The following GEMIN2 variants were observed in gnomAD, a reference collection of about 807,000 sequenced individuals.
GEMIN2 encodes the protein gem nuclear organelle associated protein 2.
In GEMIN2, 37 loss-of-function variants were observed where a neutral mutation model predicts 45.8. The observed-to-expected ratio is 0.81, with a 90% CI of 0.62 to 1.06. GEMIN2 has a LOEUF of 1.06. Ranked by LOEUF, GEMIN2 falls within the 50% of genes least tolerant of loss-of-function variation. The pLI is 0.00. For synonymous variants in GEMIN2, 101 were observed against 111.5 expected (o/e 0.91, Z 0.60); for missense variants, 335 against 321.8 (o/e 1.04, Z -0.31).
chr14:39,129,459 G>A (rs1043785749), intron 7 of GEMIN2, among the ~76,000 whole-genome samples: 1 of 152,036 alleles, frequency 6.6e-6, no homozygotes, highest in Non-Finnish European at 1.5e-5. Context: ...TGTTGCCCAG[G>A]CTGGAGTGCA....
intron 2 of GEMIN2, among the ~76,000 whole-genome samples, chr14:39,115,617 C>A (rs1369289465): frequency 6.6e-6 from 1 of 151,614 alleles, no homozygotes; most frequent in South Asian, 2.1e-4. Flanking sequence ...CCACCACACC[C>A]GGCTAATTTT....
chr14:39,117,907 C>G (rs1444748773), intron 2 of GEMIN2, 92 bp from the exon 3 acceptor site: 3 of 573,598 alleles, frequency 5.2e-6, no homozygotes, highest in Admixed American at 3.4e-5. Flanking sequence ...TTATTATACA[C>G]TTTATCTTGG....
At chr14:39,115,999 A>G (rs1328603609) in intron 2 of GEMIN2, among the ~76,000 whole-genome samples, 2 of 152,136 alleles carry the variant, frequency 1.3e-5, no homozygotes, top group Admixed American at 1.3e-4. Flanking sequence ...AATAATCAAT[A>G]AATGACAGAA....
intron 6 of GEMIN2, among the ~76,000 whole-genome samples, chr14:39,126,481 A>G (rs1266940566): frequency 2.0e-5 from 3 of 152,178 alleles, no homozygotes; most frequent in African/African-American, 7.2e-5. Context: ...GGCCCAGCCA[A>G]CAATTTTTTT....
rs757014094 is a variant in GEMIN2, at chr14:39,114,434, G to A, written c.96G>A (p.Ser32=). The A allele has an allele frequency of 1.9e-6, 3 of 1,613,974 alleles. No individual in the cohort carries two copies. Among genetic ancestry groups the A allele is most frequent in the Admixed American group, 3.3e-5 (2 of 60,004 alleles). The change falls in exon 1 of 10, where the codon TCG becomes TCA. Residue 32 remains serine (S), a synonymous_variant. Transcript: ENST00000308317. ...PCDLTEGFDP[S]VPPRTPQEYL... ...ACTTGACGGAAGGTTTCGATCCCTC[G>A]GTACCCCCGAGGACGCCTCAGGAAT...
At chr14:39,125,149 C>T (rs1399346976) in intron 6 of GEMIN2, 113 bp downstream of exon 6, 1 of 625,534 alleles carries the variant, frequency 1.6e-6, no homozygotes, top group East Asian at 2.6e-5. Context: ...TTGTCCTAAG[C>T]TCTTTAATGG....
At chr14:39,120,934 A>G (rs1027409047) in intron 4 of GEMIN2, among the ~76,000 whole-genome samples, 1 of 152,224 alleles carries the variant, frequency 6.6e-6, no homozygotes, top group Non-Finnish European at 1.5e-5. Flanking sequence ...AAAGTAATAT[A>G]CAAGGTGATA....
At chr14:39,128,485 CTTTTTTT>C (rs71130820) in intron 7 of GEMIN2, 137 bp downstream of exon 7, 251 of 148,402 alleles carry the variant, frequency 1.7e-3, no homozygotes, top group Non-Finnish European at 2.0e-3. Flanking sequence ...TTTTTCTTTT[CTTTTTTT>C]TTTTTTTTTT....
At chr14:39,118,772 CATGACAAATTTTTTTTTTTTTTTTT>C (rs2052542180) in intron 4 of GEMIN2, among the ~76,000 whole-genome samples, 173 bp downstream of exon 4, 1 of 150,718 alleles carries the variant, frequency 6.6e-6, no homozygotes, top group South Asian at 2.1e-4. Flanking sequence ...TATAGATTTT[CATGACAAATTTTTTTTTTTTTTTTT>C]TTTGAGACAG....
At chr14:39,119,299 C>T (rs181113417) in intron 4 of GEMIN2, among the ~76,000 whole-genome samples, 11 of 152,312 alleles carry the variant, frequency 7.2e-5, no homozygotes, top group Admixed American at 3.9e-4. Flanking sequence ...ATGGATTCTG[C>T]TTCTGCTTAA....
At chr14:39,134,030 C>G (rs889120723) in intron 9 of GEMIN2, 1 of 172,980 alleles carries the variant, frequency 5.8e-6, no homozygotes, top group Admixed American at 6.3e-5. Flanking sequence ...CTCCTGGGCT[C>G]AAGCGATCCT....
chr14:39,115,100 T>C (rs771121238), intron 2 of GEMIN2, among the ~76,000 whole-genome samples, 187 bp downstream of exon 2: 2 of 152,270 alleles, frequency 1.3e-5, no homozygotes, highest in Non-Finnish European at 2.9e-5. Flanking sequence ...AGAGGCTTTC[T>C]GTAACTCTAG....
intron 5 of GEMIN2, 77 bp from the exon 6 acceptor site, chr14:39,124,915 G>A: frequency 6.8e-6 from 5 of 734,386 alleles, no homozygotes; most frequent in Non-Finnish European, 1.2e-5. Context: ...AGTGTGGCAA[G>A]AAATTCACCA....
At position 39,132,085 on chromosome 14, in the gene GEMIN2, T is replaced by C. The variant is rs754128344; in HGVS notation, c.711+17T>C. Reference sequence around the variant, plus strand: ...CTCTTAGTGGTAAGTTGCAACTTACTGTTTAAAATTAAAAGCACCCACCAA... The same window carrying C: ...CTCTTAGTGGTAAGTTGCAACTTACCGTTTAAAATTAAAAGCACCCACCAA... On this transcript the variant is annotated intron_variant, in intron 8 of 9. Coordinates refer to ENST00000308317, the MANE Select transcript of GEMIN2 (RefSeq NM_003616.3). 4.2e-6 allele frequency: 5 copies of C among 1,181,404 alleles called. No individual in the cohort carries two copies. Among genetic ancestry groups the C allele is most frequent in the Non-Finnish European group, 6.3e-6 (5 of 791,294 alleles). 73.2% of individuals were successfully genotyped at this position (1,181,404 alleles called of 1,614,324 possible). A position where few individuals can be genotyped will look rare whatever the true frequency, so the allele number is the denominator to read the frequency against.
chr14:39,123,474 T>C lies in GEMIN2; in HGVS notation c.486+931T>C, dbSNP rs115614636. On this transcript the variant is annotated intron_variant, in intron 5 of 9. Transcript: ENST00000308317. ...AATCACTTGTAATAGAAGTATAACA[T>C]AACTATGCCAAGGTGCTATTTTTCA... 6.1e-3 allele frequency among the ~76,000 whole-genome samples: 919 copies of C among 151,750 alleles called. 8 individuals carry two copies. Among genetic ancestry groups the C allele is most frequent in the African/African-American group, 0.021 (859 of 41,388 alleles).
At chr14:39,132,113 T>C (rs2052725118) in intron 8 of GEMIN2, 45 bp downstream of exon 8, 1 of 848,908 alleles carries the variant, frequency 1.2e-6, no homozygotes, top group African/African-American at 1.7e-5. Flanking sequence ...CCCACCAATT[T>C]ATATGGTGGT....
In GEMIN2 at chr14:39,128,190, T is replaced by G. The variant is rs949529699; in HGVS notation, c.532-90T>G. The G allele has an allele frequency of 5.6e-5, 42 of 750,318 alleles. No individual in the cohort carries two copies. The African/African-American group carries it at 7.2e-4, about 13-fold the overall frequency. The allele number at this position is 750,318 out of a possible 1,614,324, so 46.5% of individuals were successfully genotyped here. On this transcript the variant is annotated intron_variant, in intron 6 of 9. Transcript: ENST00000308317. The stretch of plus-strand genomic sequence containing the variant: ...AATGAGGCCATTTTTAACATCAGAG[T>G]TGCTTTCTAAATAAACTTAATGAAA...
chr14:39,116,509 C>G (rs913294439), intron 2 of GEMIN2, among the ~76,000 whole-genome samples: 1 of 151,568 alleles, frequency 6.6e-6, no homozygotes, highest in Non-Finnish European at 1.5e-5. Flanking sequence ...CTCTGCCTCC[C>G]GGGTTCACAC....
intron 2 of GEMIN2, among the ~76,000 whole-genome samples, chr14:39,115,273 A>G (rs1370373016): frequency 6.6e-6 from 1 of 152,060 alleles, no homozygotes; most frequent in Admixed American, 6.6e-5. Flanking sequence ...GCCTCAAGTG[A>G]TCCTCCCTCC....
Sources: gnomAD v4.1 joint callset for allele counts (sites outside exome capture counted in the v4.1 genomes callset) on GRCh38, gnomAD v4.1.1 for gene constraint, MANE v1.5 for transcripts, NCBI Gene and HGNC (gene_info 2026-07-23, HGNC 2026-07-21) for gene names.